STX8: variants seen among roughly 807,000 people sequenced by gnomAD.
STX8 encodes syntaxin-8.
STX8 carries 23 observed loss-of-function variants against 37.5 expected under a neutral mutation model. That is an observed-to-expected ratio of 0.61 (90% confidence interval 0.44 to 0.87). The LOEUF (loss-of-function observed/expected upper bound fraction) is 0.87. Ranked by LOEUF, STX8 falls within the 40% of genes least tolerant of loss-of-function variation. The pLI is 0.00. For synonymous variants in STX8, 115 were observed against 99.1 expected, an observed-to-expected ratio of 1.16 and a Z score of -0.95; for missense variants, 313 against 284.7, an observed-to-expected ratio of 1.10 and a Z score of -0.71.
chr17:9,515,453 C>T (rs8066179), intron 4 of STX8, among the ~76,000 whole-genome samples: 5,359 of 152,148 alleles, frequency 0.035, 292 homozygotes, highest in African/African-American at 0.12. Flanking sequence ...TGACTTTCTT[C>T]CACTTTACTA....
intron 7 of STX8, among the ~76,000 whole-genome samples, chr17:9,347,645 T>C (rs1333974314): frequency 1.3e-5 from 2 of 152,192 alleles, no homozygotes; most frequent in Non-Finnish European, 2.9e-5. Flanking sequence ...GCCTCCCAAG[T>C]AGCTGGGATT....
In STX8 at chr17:9,479,259, C is replaced by T. The variant is rs906696595; in HGVS notation, c.541+12570G>A. 3.9e-5 allele frequency among the ~76,000 whole-genome samples: 6 copies of T among 152,216 alleles called. No homozygotes were observed. In the East Asian group the frequency reaches 5.8e-4, roughly 15 times the overall value. ...TATAGTATACCATATATAGGCCAGG[C>T]GCGGTGGCTCACTCCTGCAATCCCA... On this transcript the variant is annotated intron_variant, in intron 6 of 7. Coordinates refer to ENST00000306357, the MANE Select transcript of STX8 (RefSeq NM_004853.3).
rs537696384 is a variant in STX8, at chr17:9,333,542, C to T, written c.643+45010G>A. On this transcript the variant is annotated intron_variant, in intron 7 of 7. Transcript: ENST00000306357. ...AGCTGGGACTATAGGCGCCCGCCAC[C>T]ACGCCCAGCTAATATTTTGTATTTT... Among the ~76,000 whole-genome samples the T allele has an allele frequency of 9.2e-5, 14 of 152,152 alleles. No individual in the cohort carries two copies. In the South Asian group the frequency reaches 2.7e-3, roughly 29 times the overall value.
rs1404262670 is a variant in STX8 at position 9,441,466 on chromosome 17, G to GT, written c.541+50362_541+50363insA. On this transcript the variant is annotated intron_variant, in intron 6 of 7. Transcript: ENST00000306357. ...TGTTGCACCACTGCACTCCAACCTGGCACAGAGCGAGACTCCATCTAAAAA... is the reference window on the plus strand; with the variant it reads ...TGTTGCACCACTGCACTCCAACCTGGTCACAGAGCGAGACTCCATCTAAAAA... 2.6e-3 allele frequency among the ~76,000 whole-genome samples: 59 copies of GT among 22,862 alleles called. 1 individual carries two copies. Among genetic ancestry groups the GT allele is most frequent in the African/African-American group, 0.02 (52 of 2,606 alleles). 15.0% of individuals were successfully genotyped at this position (22,862 alleles called of 152,430 possible). A position where few individuals can be genotyped will look rare whatever the true frequency, so the allele number is the denominator to read the frequency against.
chr17:9,372,244 C>T (rs1012694721), intron 7 of STX8, among the ~76,000 whole-genome samples: 1 of 152,014 alleles, frequency 6.6e-6, no homozygotes, highest in Non-Finnish European at 1.5e-5. Context: ...TCCTATTCTG[C>T]TCAGTGCCAA....
intron 4 of STX8, among the ~76,000 whole-genome samples, chr17:9,527,950 C>A (rs917301652): frequency 6.6e-6 from 1 of 152,134 alleles, no homozygotes; most frequent in Non-Finnish European, 1.5e-5. Flanking sequence ...TGGCAAAAAA[C>A]TAAACAACCC....
intron 3 of STX8, among the ~76,000 whole-genome samples, chr17:9,546,594 T>TTTTTTTTTTTTTTTTG (rs1906532706): frequency 8.9e-6 from 1 of 112,230 alleles, no homozygotes. Context: ...AAAAGTGGTT[T>TTTTTTTTTTTTTTTTG]TTTTTTTTTT....
chr17:9,277,161 C>T (rs751400119), intron 7 of STX8, among the ~76,000 whole-genome samples: 1 of 152,192 alleles, frequency 6.6e-6, no homozygotes, highest in South Asian at 2.1e-4. Flanking sequence ...GAGTTTACAG[C>T]GTCAGTAGGT....
chr17:9,317,951 A>G (rs942857685), intron 7 of STX8, among the ~76,000 whole-genome samples: 5 of 152,130 alleles, frequency 3.3e-5, no homozygotes, highest in Non-Finnish European at 5.9e-5. Flanking sequence ...GAGGCCCATC[A>G]ATCAGCCAGC....
intron 7 of STX8, among the ~76,000 whole-genome samples, chr17:9,252,541 G>A (rs967319377): frequency 2.6e-5 from 4 of 151,050 alleles, no homozygotes; most frequent in East Asian, 3.9e-4. Flanking sequence ...CACGGGAGGC[G>A]GAGGTTGCAG....
At chr17:9,574,531 T>G (rs1006998643) in intron 1 of STX8, among the ~76,000 whole-genome samples, 10 of 98,068 alleles carry the variant, frequency 1.0e-4, no homozygotes, top group East Asian at 5.1e-4. Flanking sequence ...TTAGGGATTT[T>G]GGGGTTTTTT....
At chr17:9,428,807 C>T (rs932721267) in intron 6 of STX8, among the ~76,000 whole-genome samples, 2 of 152,106 alleles carry the variant, frequency 1.3e-5, no homozygotes, top group African/African-American at 4.8e-5. Context: ...CTTGTACTTA[C>T]AGTACATCTT....
chr17:9,305,162 G>A (rs546904993), intron 7 of STX8, among the ~76,000 whole-genome samples: 1 of 151,874 alleles, frequency 6.6e-6, no homozygotes, highest in East Asian at 1.9e-4. Context: ...GCGCGGTCTC[G>A]GCTCACTGCA....
At chr17:9,375,375 T>C (rs1053547337) in intron 7 of STX8, among the ~76,000 whole-genome samples, 1 of 152,188 alleles carries the variant, frequency 6.6e-6, no homozygotes, top group Non-Finnish European at 1.5e-5. Flanking sequence ...ACACACCAGA[T>C]ATTAACATCA....
At chr17:9,463,264 T>A (rs1007556452) in intron 6 of STX8, among the ~76,000 whole-genome samples, 7 of 152,190 alleles carry the variant, frequency 4.6e-5, no homozygotes, top group African/African-American at 9.6e-5. Flanking sequence ...AGGGACACTA[T>A]GAGTATTAAA....
intron 4 of STX8, among the ~76,000 whole-genome samples, chr17:9,509,420 C>T (rs78208476): frequency 0.024 from 3,671 of 151,850 alleles, 147 homozygotes; most frequent in African/African-American, 0.084. Flanking sequence ...AATCTGCCAA[C>T]CAAGAATATT....
chr17:9,509,008 G>GGAGGCC (rs1172761566), intron 4 of STX8, among the ~76,000 whole-genome samples: 3 of 152,180 alleles, frequency 2.0e-5, no homozygotes, highest in African/African-American at 7.2e-5. Context: ...CAGTACTTTG[G>GGAGGCC]GAGGCCGAGG....
chr17:9,458,817 C>T (rs1319115897), intron 6 of STX8, among the ~76,000 whole-genome samples: 2 of 142,778 alleles, frequency 1.4e-5, no homozygotes, highest in Non-Finnish European at 3.0e-5. Context: ...AGAAATCACT[C>T]CAGTTATTTA....
intron 6 of STX8, among the ~76,000 whole-genome samples, chr17:9,402,282 G>A (rs1912652462): frequency 6.6e-6 from 1 of 151,956 alleles, no homozygotes; most frequent in African/African-American, 2.4e-5. Context: ...ACCATGTCTG[G>A]CAAATTTTTT....
Sources: gnomAD v4.1 joint callset for allele counts (sites outside exome capture counted in the v4.1 genomes callset) on GRCh38, gnomAD v4.1.1 for gene constraint, MANE v1.5 for transcripts, NCBI Gene and HGNC (gene_info 2026-07-23, HGNC 2026-07-21) for gene names.